Variants in DPP9 observed in about 807,000 individuals in gnomAD.
DPP9 encodes dipeptidyl peptidase IV-related protein-2.
In DPP9, 50 loss-of-function variants were observed where a neutral mutation model predicts 110.7. That is an observed-to-expected ratio of 0.45 (90% confidence interval 0.36 to 0.57). DPP9 has a LOEUF of 0.57. Ranked by LOEUF, DPP9 falls within the 20% of genes least tolerant of loss-of-function variation. The pLI is 0.00. For synonymous variants in DPP9, 561 were observed against 514.4 expected (o/e 1.09, Z -1.23); for missense variants, 1,022 against 1,217.9 (o/e 0.84, Z 2.39).
chr19:4,709,328 C>T (rs1487434796), intron 4 of DPP9, among the ~76,000 whole-genome samples: 2 of 151,986 alleles, frequency 1.3e-5, no homozygotes, highest in African/African-American at 4.8e-5. Context: ...ACAGTAGTGA[C>T]GGAAGGATGT....
chr19:4,703,142 A>G (rs907192906), intron 7 of DPP9, among the ~76,000 whole-genome samples: 6 of 152,184 alleles, frequency 3.9e-5, no homozygotes, highest in Middle Eastern at 3.4e-3. Flanking sequence ...AAACCAAGAC[A>G]AGGAAGGATG....
At position 4,684,831 on chromosome 19, in the gene DPP9, C is replaced by A; in HGVS notation, c.2032-22G>T. ...GCACCTGTGGGGAGGTGAGGGCCAG[C>A]AGTCCAGCACGAGATGCCGGGCAGG... On this transcript the variant is annotated intron_variant, in intron 17 of 21. Transcript: ENST00000262960. The surrounding 1 kb of genome is among the most constrained non-coding windows in gnomAD (Gnocchi z 4.8). 6.3e-7 allele frequency: 1 copy of A among 1,580,884 alleles called. No individual in the cohort carries two copies.
rs112648030 is a variant in DPP9 at position 4,684,622 on chromosome 19, C to T, written c.2178+41G>A. The stretch of plus-strand genomic sequence containing the variant: ...CCCACACGGCCCAGGGCTCCCTTCC[C>T]GAGACCCAAAGGACCCAGAGCAACA... On this transcript the variant is annotated intron_variant, in intron 18 of 21. Transcript: ENST00000262960. This position sits in a 1 kb window ranked among gnomAD's most constrained non-coding sequence, Gnocchi z 4.8. The T allele has an allele frequency of 1.4e-4, 219 of 1,608,658 alleles. 3 individuals are homozygous for T. The highest frequency in any genetic ancestry group is 1.2e-3 in the African/African-American group (89 of 74,904).
rs369048539 is a variant in DPP9 at position 4,688,787 on chromosome 19, G to T, written c.1855C>A (p.Arg619Ser). Residue 619 changes from arginine to serine, a missense_variant, in exon 16 of 22, where the codon CGC (arginine) becomes AGC (serine). Transcript: ENST00000262960. ...GCCTCCATCATGCTAGCCCAGAAGC[G>T]GGGCTGCTTGTGCAGGGGGTCGTCG... ...PDDDPLHKQP[R>S]FWASMMEAAS... 9 of 1,469,582 alleles carry T rather than the reference G, an allele frequency of 6.1e-6. No individual in the cohort carries two copies. Among genetic ancestry groups the T allele is most frequent in the Non-Finnish European group, 8.1e-6 (9 of 1,116,310 alleles). 91.0% of individuals were successfully genotyped at this position (1,469,582 alleles called of 1,614,324 possible).
rs554622198 is a variant in DPP9 at position 4,681,668 on chromosome 19, G to T, written c.2474+1028C>A. ...CCAACTCCACCTCCTGGGTTCAAGC[G>T]ATTCTCCTGCCTCAGCCTTCCAAGT... On this transcript the variant is annotated intron_variant, in intron 20 of 21. Coordinates refer to ENST00000262960, the MANE Select transcript of DPP9 (RefSeq NM_139159.5). Among the ~76,000 whole-genome samples the T allele has an allele frequency of 8.6e-5, 13 of 151,818 alleles. No individual in the cohort carries two copies. In the South Asian group the frequency reaches 2.5e-3, roughly 29 times the overall value.
intron 16 of DPP9, chr19:4,688,540 C>A (rs2091008288): frequency 1.8e-6 from 1 of 546,426 alleles, no homozygotes; most frequent in Non-Finnish European, 2.9e-6. Context: ...TGCAGTCCGG[C>A]CCTTTACTGC....
intron 16 of DPP9, among the ~76,000 whole-genome samples, chr19:4,688,021 C>G (rs920121382): frequency 6.6e-6 from 1 of 152,198 alleles, no homozygotes; most frequent in African/African-American, 2.4e-5. Context: ...TGGTCTCGAT[C>G]TCCTGACCTT....
chr19:4,700,141 C>T lies in DPP9; in HGVS notation c.1074+75G>A. The stretch of plus-strand genomic sequence containing the variant: ...CCGAGAGGGAGGTGAGTGACCTGCC[C>T]ATCCACCCAGCTGCCTACCCGGCCC... On this transcript the variant is annotated intron_variant, in intron 10 of 21. Transcript: ENST00000262960. This position sits in a 1 kb window ranked among gnomAD's most constrained non-coding sequence, Gnocchi z 4.3. 7.9e-7 allele frequency: 1 copy of T among 1,263,186 alleles called. No individual in the cohort carries two copies. The highest frequency in any genetic ancestry group is 1.1e-6 in the Non-Finnish European group (1 of 932,804). 78.2% of individuals were successfully genotyped at this position (1,263,186 alleles called of 1,614,324 possible). A position where few individuals can be genotyped will look rare whatever the true frequency, so the allele number is the denominator to read the frequency against.
At chr19:4,711,303 C>G (rs1382393430) in intron 4 of DPP9, among the ~76,000 whole-genome samples, 1 of 152,078 alleles carries the variant, frequency 6.6e-6, no homozygotes, top group Non-Finnish European at 1.5e-5. Context: ...TTAGCAGCTC[C>G]ACGGAGATTT....
intron 1 of DPP9, chr19:4,722,809 C>A (rs1472369801): frequency 4.6e-6 from 2 of 431,244 alleles, no homozygotes; most frequent in African/African-American, 2.1e-5. Flanking sequence ...ACCCCCTGGG[C>A]TTTAGTCCCA....
intron 16 of DPP9, chr19:4,686,084 T>G (rs1383209875): frequency 1.4e-5 from 3 of 218,282 alleles, no homozygotes; most frequent in Non-Finnish European, 2.7e-5. Flanking sequence ...GTTGTCCAAT[T>G]AGGATGGTGG....
chr19:4,699,191 A>G (rs946540715), intron 10 of DPP9, among the ~76,000 whole-genome samples: 1 of 151,638 alleles, frequency 6.6e-6, no homozygotes, highest in Non-Finnish European at 1.5e-5. Flanking sequence ...AAAGAATGCA[A>G]AAGAGGTCTG....
In DPP9 at chr19:4,682,586, G is replaced by C; in HGVS notation, c.2474+110C>G. The C allele has an allele frequency of 1.4e-6, 2 of 1,475,482 alleles. No individual in the cohort carries two copies. Among genetic ancestry groups the C allele is most frequent in the South Asian group, 1.3e-5 (1 of 76,868 alleles). The allele number at this position is 1,475,482 out of a possible 1,614,324, so 91.4% of individuals were successfully genotyped here. A position where few individuals can be genotyped will look rare whatever the true frequency, so the allele number is the denominator to read the frequency against. ...GCGGGGAGGCTCCACATGGCCTGAGGCTCCCTGGGCAGGGCCAGCTGGGGC... is the reference window on the plus strand; with the variant it reads ...GCGGGGAGGCTCCACATGGCCTGAGCCTCCCTGGGCAGGGCCAGCTGGGGC... On this transcript the variant is annotated intron_variant, in intron 20 of 21. Transcript: ENST00000262960. The surrounding 1 kb of genome is among the most constrained non-coding windows in gnomAD (Gnocchi z 7.1).
chr19:4,692,626 TG>T (rs1468981496), intron 13 of DPP9, among the ~76,000 whole-genome samples: 1 of 152,118 alleles, frequency 6.6e-6, no homozygotes, highest in Admixed American at 6.5e-5. Context: ...CGGGGGTCCC[TG>T]GGGGCACTGC....
In DPP9 at chr19:4,698,864, G is replaced by A. The variant is rs1229778520; in HGVS notation, c.1075-1213C>T. Among the ~76,000 whole-genome samples, 1 of 151,954 alleles carries A rather than the reference G, an allele frequency of 6.6e-6. No homozygotes were observed. On this transcript the variant is annotated intron_variant, in intron 10 of 21. Transcript: ENST00000262960. The surrounding 1 kb of genome is among the most constrained non-coding windows in gnomAD (Gnocchi z 4.2). Reference sequence around the variant, plus strand: ...AAATCTGCCAGAATGCTACTGTCAAGAATGCAAAAGAAGGCCGGGTGTGGT... The same window carrying A: ...AAATCTGCCAGAATGCTACTGTCAAAAATGCAAAAGAAGGCCGGGTGTGGT...
Position 4,693,686 on chromosome 19 carries a change from G to A in DPP9, c.1516+975C>T, listed in dbSNP as rs930325270. 6.6e-6 allele frequency among the ~76,000 whole-genome samples: 1 copy of A among 152,148 alleles called. No individual in the cohort carries two copies. Among genetic ancestry groups the A allele is most frequent in the Non-Finnish European group, 1.5e-5 (1 of 68,010 alleles). On this transcript the variant is annotated intron_variant, in intron 13 of 21. Transcript: ENST00000262960. The surrounding 1 kb of genome is among the most constrained non-coding windows in gnomAD (Gnocchi z 5.0). ...CGCCTCTCCCGGCCCCTGGGCCTGT[G>A]TGCAAGCTGCAACCAGAGGAGTCAT...
At chr19:4,679,631 T>C in intron 21 of DPP9, 1 of 571,944 alleles carries the variant, frequency 1.7e-6, no homozygotes, top group Non-Finnish European at 3.1e-6. Flanking sequence ...GGCGGAACCC[T>C]GAGCTGTCAA....
chr19:4,700,312 G>T lies in DPP9; in HGVS notation c.1013-35C>A. Reference sequence around the variant, plus strand: ...CCGAAGTGAGGTGAACACCAGGCAGGCATCACCCGTGTGTGCCGAGAGCCG... The same window carrying T: ...CCGAAGTGAGGTGAACACCAGGCAGTCATCACCCGTGTGTGCCGAGAGCCG... On this transcript the variant is annotated intron_variant, in intron 9 of 21. Coordinates refer to ENST00000262960, the MANE Select transcript of DPP9 (RefSeq NM_139159.5). This position sits in a 1 kb window ranked among gnomAD's most constrained non-coding sequence, Gnocchi z 4.3. The T allele has an allele frequency of 6.4e-7, 1 of 1,574,244 alleles. No individual in the cohort carries two copies. The highest frequency in any genetic ancestry group is 1.7e-5 in the Admixed American group (1 of 57,844).
intron 3 of DPP9, 82 bp downstream of exon 3, chr19:4,719,769 G>T: frequency 6.8e-7 from 1 of 1,476,850 alleles, no homozygotes; most frequent in South Asian, 1.2e-5. Context: ...GAAAGAAGGG[G>T]CCTTCCAGAT....
Sources: gnomAD v4.1 joint callset for allele counts (sites outside exome capture counted in the v4.1 genomes callset) on GRCh38, gnomAD v4.1.1 for gene constraint, Gnocchi (gnomAD v3.1) non-coding constraint, MANE v1.5 for transcripts, NCBI Gene and HGNC (gene_info 2026-07-23, HGNC 2026-07-21) for gene names.